The following SUGCT variants were observed in gnomAD, a reference collection of about 807,000 sequenced individuals.
The protein encoded by SUGCT is succinyl-CoA:glutarate-CoA transferase.
In SUGCT, 41 loss-of-function variants were observed where a neutral mutation model predicts 55.0. The observed-to-expected ratio is 0.74, with a 90% confidence interval of 0.58 to 0.97. SUGCT has a LOEUF of 0.97. SUGCT is among the 50% of genes least tolerant of loss of function. SUGCT has a pLI of 0.00. For synonymous variants in SUGCT, 187 were observed against 200.4 expected (o/e 0.93, Z 0.56); for missense variants, 568 against 547.8 (o/e 1.04, Z -0.37).
rs370010113 is a variant in SUGCT, at chr7:40,221,113, A to G, written c.485-16522A>G. The stretch of plus-strand genomic sequence containing the variant: ...GTTTTCATTTATATTCATTTGGAAA[A>G]TACACTTTTAAATTATTATTATCAG... On this transcript the variant is annotated intron_variant, in intron 6 of 13. Coordinates refer to ENST00000335693, the MANE Select transcript of SUGCT (RefSeq NM_001193313.2). 6.0e-4 allele frequency among the ~76,000 whole-genome samples: 91 copies of G among 152,272 alleles called. 2 individuals are homozygous for G. The South Asian group carries it at 0.017, about 29-fold the overall frequency.
chr7:40,740,702 T>A (rs1787413946), intron 12 of SUGCT, among the ~76,000 whole-genome samples: 1 of 152,158 alleles, frequency 6.6e-6, no homozygotes, highest in African/African-American at 2.4e-5. Flanking sequence ...CTTCAATCCC[T>A]AACTTGTGAC....
chr7:40,652,503 A>G (rs890769420), intron 12 of SUGCT, among the ~76,000 whole-genome samples: 13 of 152,166 alleles, frequency 8.5e-5, no homozygotes, highest in African/African-American at 2.9e-4. Flanking sequence ...TTTACTACTC[A>G]GTGGCTTTCT....
intron 6 of SUGCT, among the ~76,000 whole-genome samples, chr7:40,199,047 T>TG (rs1786451408): frequency 2.1e-5 from 3 of 146,104 alleles, no homozygotes; most frequent in African/African-American, 8.0e-5. Flanking sequence ...GTGTGTGTGT[T>TG]TTTTTTTTAA....
At chr7:40,362,939 CA>C (rs1303232079) in intron 9 of SUGCT, among the ~76,000 whole-genome samples, 3 of 152,060 alleles carry the variant, frequency 2.0e-5, no homozygotes, top group Admixed American at 2.0e-4. Flanking sequence ...AAAATGCAAA[CA>C]AAAAAATCCC....
chr7:40,942,362 T>A, the SUGCT span, among the ~76,000 whole-genome samples: 1 of 152,202 alleles, frequency 6.6e-6, no homozygotes, highest in Non-Finnish European at 1.5e-5. Flanking sequence ...TGATAGTTAT[T>A]CCATTTGAGG....
intron 6 of SUGCT, among the ~76,000 whole-genome samples, chr7:40,232,851 C>T (rs746717906): frequency 6.6e-6 from 1 of 152,100 alleles, no homozygotes. Flanking sequence ...TTTCTTAGCT[C>T]TTTACTTGAA....
chr7:40,787,643 A>T (rs1413886827), intron 13 of SUGCT, among the ~76,000 whole-genome samples: 1 of 140,410 alleles, frequency 7.1e-6, no homozygotes, highest in East Asian at 2.3e-4. Context: ...AGAAACTGGT[A>T]ACCAAGAAAT....
rs535640660 is a variant in SUGCT at position 40,313,522 on chromosome 7, G to C, written c.721-3238G>C. The stretch of plus-strand genomic sequence containing the variant: ...TAATACCCCCTTTAAACATTGAGTT[G>C]CTAAGTTTAGCCATGTTGCTCTCTT... On this transcript the variant is annotated intron_variant, in intron 8 of 13. Transcript: ENST00000335693. Among the ~76,000 whole-genome samples, 8 of 152,238 alleles carry C rather than the reference G, an allele frequency of 5.3e-5. No homozygotes were observed. The South Asian group carries it at 1.7e-3, about 32-fold the overall frequency.
At chr7:40,314,559 CTTTTTTT>C (rs1292941632) in intron 8 of SUGCT, among the ~76,000 whole-genome samples, 6 of 108,732 alleles carry the variant, frequency 5.5e-5, no homozygotes, top group South Asian at 3.5e-4. Flanking sequence ...TCCCTTGTGT[CTTTTTTT>C]TTTTTTTTTT....
chr7:40,657,629 G>T (rs1360961392), intron 12 of SUGCT, among the ~76,000 whole-genome samples: 4 of 152,042 alleles, frequency 2.6e-5, no homozygotes, highest in Admixed American at 2.6e-4. Context: ...CTGCCTCCCG[G>T]GTTCAAGCGA....
the SUGCT span, among the ~76,000 whole-genome samples, chr7:40,980,094 G>C: frequency 6.6e-6 from 1 of 152,186 alleles, no homozygotes; most frequent in Non-Finnish European, 1.5e-5. Context: ...CTGGCTTGCA[G>C]ATGGCTTGCC....
rs572825694 is a variant in SUGCT, at chr7:40,339,589, T to C, written c.816+22734T>C. On this transcript the variant is annotated intron_variant, in intron 9 of 13. Coordinates refer to ENST00000335693, the MANE Select transcript of SUGCT (RefSeq NM_001193313.2). ...CCTGGTGTGCCGTTTGCTAAGACCA[T>C]TGGAGAAGTGCAGTATTAGGGTGGG... 8.5e-4 allele frequency among the ~76,000 whole-genome samples: 129 copies of C among 152,226 alleles called. 1 individual carries two copies. Among genetic ancestry groups the C allele is most frequent in the African/African-American group, 2.9e-3 (122 of 41,542 alleles).
the SUGCT span, among the ~76,000 whole-genome samples, chr7:40,897,983 T>G: frequency 6.6e-6 from 1 of 152,126 alleles, no homozygotes; most frequent in Non-Finnish European, 1.5e-5. Context: ...GCGCCAACAG[T>G]GGCCACCCGC....
intron 8 of SUGCT, among the ~76,000 whole-genome samples, chr7:40,298,888 A>C (rs969755733): frequency 6.6e-6 from 1 of 152,124 alleles, no homozygotes; most frequent in Non-Finnish European, 1.5e-5. Context: ...TTTCTTAAAA[A>C]TATATGATTA....
intron 1 of SUGCT, 68 bp downstream of exon 1, chr7:40,135,188 TGAG>T: frequency 6.8e-7 from 1 of 1,477,272 alleles, no homozygotes; most frequent in Non-Finnish European, 9.1e-7. Context: ...TCGGGCGCCC[TGAG>T]GAGAGCAATT....
chr7:40,929,007 A>G, the SUGCT span, among the ~76,000 whole-genome samples: 43 of 152,214 alleles, frequency 2.8e-4, no homozygotes, highest in African/African-American at 9.9e-4. Context: ...ATAGGTATAC[A>G]TGTGCCATGT....
At chr7:40,466,611 C>T (rs1224601357) in intron 11 of SUGCT, among the ~76,000 whole-genome samples, 3 of 152,248 alleles carry the variant, frequency 2.0e-5, no homozygotes, top group Middle Eastern at 6.8e-3. Context: ...CTATTTGGCA[C>T]TCAGTAAATG....
At chr7:40,864,239 C>A (rs1198181113), downstream of SUGCT, among the ~76,000 whole-genome samples, 1 of 152,142 alleles carries the variant, frequency 6.6e-6, no homozygotes. Context: ...TCACTGCAAC[C>A]TTTGCCTCCC....
chr7:40,922,857 G>A, the SUGCT span, among the ~76,000 whole-genome samples: 37 of 152,260 alleles, frequency 2.4e-4, no homozygotes, highest in Middle Eastern at 6.8e-3. Flanking sequence ...TCTTTGCCCC[G>A]GTGGTATTTC....
Sources: allele counts gnomAD v4.1 joint callset (sites outside exome capture counted in the v4.1 genomes callset), GRCh38; gene constraint gnomAD v4.1.1; transcripts MANE v1.5; gene names NCBI Gene and HGNC (gene_info 2026-07-23, HGNC 2026-07-21).